Variants in RASA3 observed in about 807,000 individuals in gnomAD.
The protein encoded by RASA3 is RAS p21 protein activator 3.
Under a neutral mutation model 110.0 loss-of-function variants are expected in RASA3, and 73 were observed. That is an observed-to-expected ratio of 0.66 (90% CI 0.55 to 0.81). The LOEUF (loss-of-function observed/expected upper bound fraction) is 0.81. RASA3 is among the 30% of genes least tolerant of loss of function. The pLI is 0.00. For missense variants in RASA3, 976 were observed against 1,113.2 expected, an observed-to-expected ratio of 0.88 and a Z score of 1.75; for synonymous variants, 500 against 451.4, an observed-to-expected ratio of 1.11 and a Z score of -1.37.
chr13:114,024,193 C>A lies in RASA3; in HGVS notation c.680+86G>T. On this transcript the variant is annotated intron_variant, in intron 8 of 23. Coordinates refer to ENST00000334062, the MANE Select transcript of RASA3 (RefSeq NM_007368.4). ...AATGGAAATTCATTTCTATCTATGA[C>A]CCTATATTTAGTAACAAAGAACAAA... is the stretch of plus-strand genomic sequence containing the variant. 7 of 1,243,998 alleles carry A rather than the reference C, an allele frequency of 5.6e-6. No individual in the cohort carries two copies. In the South Asian group the frequency reaches 8.4e-5, roughly 15 times the overall value. The allele number at this position is 1,243,998 out of a possible 1,614,324, so 77.1% of individuals were successfully genotyped here.
chr13:113,979,594 C>CAGG (rs1464157747), intron 23 of RASA3, among the ~76,000 whole-genome samples, 172 bp from the exon 24 acceptor site: 37 of 152,342 alleles, frequency 2.4e-4, no homozygotes, highest in African/African-American at 7.9e-4. Context: ...CACGGTGACT[C>CAGG]TGATGTGTGT....
chr13:114,076,591 G>A (rs1429710446), intron 1 of RASA3, among the ~76,000 whole-genome samples: 2 of 152,160 alleles, frequency 1.3e-5, no homozygotes, highest in East Asian at 3.9e-4. Flanking sequence ...CACACACGCG[G>A]CACACGCAGG....
rs763736653 is a variant in RASA3 at position 114,024,298 on chromosome 13, C to T, written c.661G>A (p.Val221Met). The T allele has an allele frequency of 3.7e-6, 6 of 1,613,932 alleles. No homozygotes were observed. Among genetic ancestry groups the T allele is most frequent in the Middle Eastern group, 1.6e-4 (1 of 6,082 alleles). ...TCTCACCTGATTTCGAGCTTGTCCA[C>T]GTCTTCCTCCTCAAAGTCAAAGTGG... ...KSHFDFEEEDVDKLEIRVDLW... is the reference protein window; with the variant it reads ...KSHFDFEEEDMDKLEIRVDLW... The change falls in exon 8 of 24, where the codon GTG becomes ATG. Residue 221 changes from valine (V) to methionine (M), a missense_variant. Coordinates refer to ENST00000334062, the MANE Select transcript of RASA3 (RefSeq NM_007368.4).
intron 4 of RASA3, among the ~76,000 whole-genome samples, chr13:114,040,667 G>A (rs1482962778): frequency 2.1e-5 from 3 of 144,656 alleles, no homozygotes; most frequent in Non-Finnish European, 4.5e-5. Flanking sequence ...CGCTCACTCC[G>A]AGCACAAGCA....
intron 7 of RASA3, among the ~76,000 whole-genome samples, chr13:114,027,081 C>G (rs1248987934): frequency 6.6e-6 from 1 of 152,256 alleles, no homozygotes; most frequent in Non-Finnish European, 1.5e-5. Flanking sequence ...TCTTTTAACT[C>G]AAATCTGGGC....
At chr13:114,037,544 C>T (rs1004019417) in intron 4 of RASA3, among the ~76,000 whole-genome samples, 20 of 152,142 alleles carry the variant, frequency 1.3e-4, no homozygotes, top group African/African-American at 4.3e-4. Flanking sequence ...ACAGAGGGGA[C>T]GGAGGTTCCG....
chr13:114,121,339 G>A (rs1321348157), intron 1 of RASA3, among the ~76,000 whole-genome samples: 2 of 152,200 alleles, frequency 1.3e-5, no homozygotes, highest in East Asian at 3.9e-4. Context: ...ATGTGGGGTA[G>A]AATAAAAATG....
intron 2 of RASA3, among the ~76,000 whole-genome samples, chr13:114,070,205 G>C (rs1476915095): frequency 7.4e-6 from 1 of 135,804 alleles, no homozygotes; most frequent in East Asian, 2.4e-4. Flanking sequence ...TGGGAGACTG[G>C]GGGGTGGGAG....
chr13:114,070,556 A>G (rs2079553681), intron 2 of RASA3, among the ~76,000 whole-genome samples: 1 of 152,214 alleles, frequency 6.6e-6, no homozygotes, highest in South Asian at 2.1e-4. Flanking sequence ...AGGGGCGGCC[A>G]GCCCGCACAG....
intron 18 of RASA3, among the ~76,000 whole-genome samples, chr13:114,001,551 C>A (rs2053401931): frequency 6.7e-6 from 1 of 149,786 alleles, no homozygotes. Flanking sequence ...CAGCCGCGGG[C>A]TCAGGGTCAG....
rs559287079 is a variant in RASA3 at position 114,112,871 on chromosome 13, G to A, written c.55+19564C>T. On this transcript the variant is annotated intron_variant, in intron 1 of 23. Coordinates refer to ENST00000334062, the MANE Select transcript of RASA3 (RefSeq NM_007368.4). The surrounding 1 kb of genome is among the most constrained non-coding windows in gnomAD (Gnocchi z 4.8). ...CCTCAGCAAAAAAGCAACACTCGCC[G>A]TTCAGAGAGTGAATGAGAGGCCAGC... is the stretch of plus-strand genomic sequence containing the variant. Among the ~76,000 whole-genome samples the A allele has an allele frequency of 1.7e-4, 26 of 152,124 alleles. No homozygotes were observed. The highest frequency in any genetic ancestry group is 4.1e-4 in the South Asian group (2 of 4,830).
chr13:114,024,637 G>A (rs771500362), intron 7 of RASA3, among the ~76,000 whole-genome samples: 7 of 152,246 alleles, frequency 4.6e-5, no homozygotes, highest in South Asian at 2.1e-4. Flanking sequence ...GATGGGTGCC[G>A]GGCTCTGGGT....
intron 4 of RASA3, 150 bp from the exon 5 acceptor site, chr13:114,030,037 C>G (rs559740680): frequency 1.5e-6 from 1 of 688,062 alleles, no homozygotes; most frequent in African/African-American, 1.8e-5. Flanking sequence ...CTCCACTCCA[C>G]CCCCGGGACG....
At chr13:114,077,172 G>A in intron 1 of RASA3, among the ~76,000 whole-genome samples, 1 of 152,202 alleles carries the variant, frequency 6.6e-6, no homozygotes, top group Non-Finnish European at 1.5e-5. Flanking sequence ...TCTTCCGAAG[G>A]CGGACACTGC....
At chr13:114,067,493 A>G (rs1033728540) in intron 2 of RASA3, among the ~76,000 whole-genome samples, 1 of 152,258 alleles carries the variant, frequency 6.6e-6, no homozygotes, top group Admixed American at 6.5e-5. Flanking sequence ...TATTAAAAGC[A>G]TCTGAGAGAA....
intron 2 of RASA3, among the ~76,000 whole-genome samples, chr13:114,055,600 T>C (rs4393438): frequency 0.14 from 20,577 of 152,124 alleles, 1,784 homozygotes; most frequent in Middle Eastern, 0.21. Flanking sequence ...CACAAAACAT[T>C]TGGGATTTTT....
chr13:114,070,868 T>C (rs1454879367), intron 2 of RASA3, among the ~76,000 whole-genome samples: 1 of 133,302 alleles, frequency 7.5e-6, no homozygotes, highest in Non-Finnish European at 1.5e-5. Flanking sequence ...GTTTTACACG[T>C]GGGCAGGGCT....
intron 1 of RASA3, among the ~76,000 whole-genome samples, chr13:114,127,147 C>T (rs1297095836): frequency 2.6e-5 from 4 of 152,270 alleles, no homozygotes. Context: ...AGACGCCGCT[C>T]ATCCACTCTG....
intron 22 of RASA3, among the ~76,000 whole-genome samples, chr13:113,990,485 C>A (rs1248626015): frequency 6.6e-6 from 1 of 152,206 alleles, no homozygotes. Context: ...GATGACCTCA[C>A]CCTCTCCGAG....
Sources: allele counts gnomAD v4.1 joint callset (sites outside exome capture counted in the v4.1 genomes callset), GRCh38; gene constraint gnomAD v4.1.1; non-coding constraint Gnocchi (gnomAD v3.1); transcripts MANE v1.5; gene names NCBI Gene and HGNC (gene_info 2026-07-23, HGNC 2026-07-21).